Variants in ZC2HC1B observed in about 807,000 individuals in gnomAD.
The protein encoded by ZC2HC1B is zinc finger C2HC domain-containing protein 1B.
ZC2HC1B carries 36 observed loss-of-function variants against 31.0 expected under a neutral mutation model. That is an observed-to-expected ratio of 1.16 (90% CI 0.89 to 1.54). The LOEUF (loss-of-function observed/expected upper bound fraction) is 1.54, where lower values mean the gene tolerates loss of function less well. Ranked by LOEUF, ZC2HC1B falls within the 40% of genes most tolerant of loss-of-function variation. ZC2HC1B has a pLI of 0.00. For missense variants in ZC2HC1B, 260 were observed against 268.6 expected (o/e 0.97, Z 0.22); for synonymous variants, 73 against 88.0 (o/e 0.83, Z 0.95).
intron 1 of ZC2HC1B, among the ~76,000 whole-genome samples, chr6:143,880,724 G>A (rs1304044140): frequency 1.3e-5 from 2 of 151,852 alleles, no homozygotes; most frequent in African/African-American, 4.8e-5. Flanking sequence ...GAGCATGGCT[G>A]TGTTCCTATA....
intron 6 of ZC2HC1B, among the ~76,000 whole-genome samples, chr6:143,910,259 A>C (rs1259034692): frequency 1.3e-5 from 2 of 152,116 alleles, no homozygotes; most frequent in Non-Finnish European, 2.9e-5. Context: ...TTCAGTTTCC[A>C]TGTGATGTGT....
chr6:143,912,398 G>T (rs1259240719), intron 6 of ZC2HC1B, among the ~76,000 whole-genome samples: 1 of 152,144 alleles, frequency 6.6e-6, no homozygotes, highest in East Asian at 1.9e-4. Flanking sequence ...ATCTTAGTGG[G>T]CTTATCTACC....
intron 6 of ZC2HC1B, among the ~76,000 whole-genome samples, chr6:143,909,374 G>A (rs1777833263): frequency 6.6e-6 from 1 of 152,006 alleles, no homozygotes. Flanking sequence ...TCCAGCCTGG[G>A]TGACAGAGCT....
rs1429116269 is a variant in ZC2HC1B, at chr6:143,868,381, T to C, written c.28+3814T>C. Among the ~76,000 whole-genome samples the C allele has an allele frequency of 2.0e-5, 3 of 152,178 alleles. No individual in the cohort carries two copies. The highest frequency in any genetic ancestry group is 4.4e-5 in the Non-Finnish European group (3 of 68,042). On this transcript the variant is annotated intron_variant, in intron 1 of 7. Transcript: ENST00000237275. The surrounding 1 kb of genome is among the most constrained non-coding windows in gnomAD (Gnocchi z 4.2). ...CAGTACAGTGCCAAAACTGAAGAAC[T>C]TGGAGTTCAATGTTTGAGGGCAGGA...
chr6:143,877,272 CTTTTTTTTTTTTT>C lies in ZC2HC1B; in HGVS notation c.29-7017_29-7005del, dbSNP rs34994479. On this transcript the variant is annotated intron_variant, in intron 1 of 7. Coordinates refer to ENST00000237275, the MANE Select transcript of ZC2HC1B (RefSeq NM_001013623.3). Reference sequence around the variant, plus strand: ...TTTCTCCTAAAGATTTTTTTAATTTCTTTTTTTTTTTTTTTTTTTTTTTTTTTGAGACAGAGTT... The same window carrying C: ...TTTCTCCTAAAGATTTTTTTAATTTCTTTTTTTTTTTTTTGAGACAGAGTT... Among the ~76,000 whole-genome samples the C allele has an allele frequency of 1.6e-4, 7 of 42,576 alleles. 1 individual carries two copies. Among genetic ancestry groups the C allele is most frequent in the Non-Finnish European group, 8.4e-5 (2 of 23,850 alleles). 27.9% of individuals were successfully genotyped at this position (42,576 alleles called of 152,430 possible). A position where few individuals can be genotyped will look rare whatever the true frequency, so the allele number is the denominator to read the frequency against.
chr6:143,886,898 A>C lies in ZC2HC1B; in HGVS notation c.349+77A>C. On this transcript the variant is annotated intron_variant, in intron 4 of 7. Transcript: ENST00000237275. This position sits in a 1 kb window ranked among gnomAD's most constrained non-coding sequence, Gnocchi z 4.2. ...ATCATCATGCCCTCTATGCACTCTG[A>C]AATTGACAATAACAATTACATAGAA... 8.1e-7 allele frequency: 1 copy of C among 1,240,486 alleles called. No individual in the cohort carries two copies. The highest frequency in any genetic ancestry group is 1.0e-6 in the Non-Finnish European group (1 of 953,020). 76.8% of individuals were successfully genotyped at this position (1,240,486 alleles called of 1,614,324 possible).
chr6:143,866,256 A>G (rs1260254509), intron 1 of ZC2HC1B, among the ~76,000 whole-genome samples: 2 of 152,226 alleles, frequency 1.3e-5, no homozygotes, highest in African/African-American at 4.8e-5. Flanking sequence ...CCAAAAATGC[A>G]TTTACTACAC....
At position 143,913,077 on chromosome 6, in the gene ZC2HC1B, C is replaced by T. The variant is rs1777879528; in HGVS notation, c.598+9925C>T. 6.6e-6 allele frequency among the ~76,000 whole-genome samples: 1 copy of T among 152,242 alleles called. No individual in the cohort carries two copies. The highest frequency in any genetic ancestry group is 1.5e-5 in the Non-Finnish European group (1 of 68,030). On this transcript the variant is annotated intron_variant, in intron 6 of 7. Transcript: ENST00000237275. This position sits in a 1 kb window ranked among gnomAD's most constrained non-coding sequence, Gnocchi z 5.7. ...GCCTCTGCCCCTGTCAACTTGGTCTCTCCAAAGCCCACAGTCCAGAACAGC... is the reference window on the plus strand; with the variant it reads ...GCCTCTGCCCCTGTCAACTTGGTCTTTCCAAAGCCCACAGTCCAGAACAGC...
rs554577444 is a variant in ZC2HC1B at position 143,865,449 on chromosome 6, A to G, written c.28+882A>G. Among the ~76,000 whole-genome samples the G allele has an allele frequency of 3.3e-5, 5 of 152,288 alleles. No homozygotes were observed. The East Asian group carries it at 9.6e-4, about 29-fold the overall frequency. ...GGTGCTCAGCTGTAACCTTCACTAT[A>G]GGCTATTCCCTGAGCTTGTATTTAA... On this transcript the variant is annotated intron_variant, in intron 1 of 7. Coordinates refer to ENST00000237275, the MANE Select transcript of ZC2HC1B (RefSeq NM_001013623.3). This position sits in a 1 kb window ranked among gnomAD's most constrained non-coding sequence, Gnocchi z 4.4.
At chr6:143,920,624 G>A (rs2128496871) in intron 6 of ZC2HC1B, among the ~76,000 whole-genome samples, 1 of 152,120 alleles carries the variant, frequency 6.6e-6, no homozygotes, top group South Asian at 2.1e-4. Flanking sequence ...TAAAATGGTT[G>A]ACACGGCTGG....
intron 5 of ZC2HC1B, among the ~76,000 whole-genome samples, chr6:143,902,605 T>C (rs1449099449): frequency 1.3e-5 from 2 of 152,168 alleles, no homozygotes; most frequent in Admixed American, 1.3e-4. Context: ...TGTAGGGATG[T>C]TGGAATTTCA....
chr6:143,876,296 T>C (rs1370680227), intron 1 of ZC2HC1B, among the ~76,000 whole-genome samples: 3 of 150,524 alleles, frequency 2.0e-5, no homozygotes, highest in African/African-American at 7.4e-5. Context: ...TTCATTATGT[T>C]CCTTGGTTCT....
intron 4 of ZC2HC1B, among the ~76,000 whole-genome samples, chr6:143,888,121 G>A (rs1201605246): frequency 6.6e-6 from 1 of 151,908 alleles, no homozygotes; most frequent in Non-Finnish European, 1.5e-5. Flanking sequence ...TTTTGCATGT[G>A]GATATCCAGT....
Position 143,886,152 on chromosome 6 carries a change from G to T in ZC2HC1B, c.210+1G>T. 6.5e-7 allele frequency: 1 copy of T among 1,531,776 alleles called. No homozygotes were observed. Among genetic ancestry groups the T allele is most frequent in the Non-Finnish European group, 8.8e-7 (1 of 1,141,168 alleles). 94.9% of individuals were successfully genotyped at this position (1,531,776 alleles called of 1,614,324 possible). ...TGTGAAGAAGACTCCACAATCCAAG[G>T]TACTCCTGATATCTTCTTTAGTGTT... On this transcript the variant is annotated splice_donor_variant, in intron 3 of 7. Coordinates refer to ENST00000237275, the MANE Select transcript of ZC2HC1B (RefSeq NM_001013623.3). LOFTEE classifies it high-confidence loss of function. This position sits in a 1 kb window ranked among gnomAD's most constrained non-coding sequence, Gnocchi z 4.2.
In ZC2HC1B at chr6:143,924,938, C is replaced by T. The variant is rs1001178358; in HGVS notation, c.599-12711C>T. ...GTCTGTGTTCATCAGGGGTATTGGC[C>T]TGTAGTTTTCTATTTCCATTATGTC... On this transcript the variant is annotated intron_variant, in intron 6 of 7. Transcript: ENST00000237275. This position sits in a 1 kb window ranked among gnomAD's most constrained non-coding sequence, Gnocchi z 5.2. Among the ~76,000 whole-genome samples the T allele has an allele frequency of 1.3e-5, 2 of 151,990 alleles. No homozygotes were observed. Among genetic ancestry groups the T allele is most frequent in the Non-Finnish European group, 2.9e-5 (2 of 68,010 alleles).
chr6:143,872,526 T>C lies in ZC2HC1B; in HGVS notation c.28+7959T>C, dbSNP rs1222642492. On this transcript the variant is annotated intron_variant, in intron 1 of 7. Coordinates refer to ENST00000237275, the MANE Select transcript of ZC2HC1B (RefSeq NM_001013623.3). The surrounding 1 kb of genome is among the most constrained non-coding windows in gnomAD (Gnocchi z 5.5). ...CACCTCGGGATCCAAATATTCCCAC[T>C]ATATTTATTTTTTATTTTTTAAATT... Among the ~76,000 whole-genome samples, 1 of 152,210 alleles carries C rather than the reference T, an allele frequency of 6.6e-6. No homozygotes were observed. Among genetic ancestry groups the C allele is most frequent in the African/African-American group, 2.4e-5 (1 of 41,446 alleles).
intron 6 of ZC2HC1B, among the ~76,000 whole-genome samples, chr6:143,931,155 A>C (rs1778114175): frequency 6.6e-6 from 1 of 152,092 alleles, no homozygotes; most frequent in African/African-American, 2.4e-5. Context: ...ATTTGCATGG[A>C]ATATCTTTTT....
At position 143,885,075 on chromosome 6, in the gene ZC2HC1B, A is replaced by T. The variant is rs1205509800; in HGVS notation, c.90+710A>T. Among the ~76,000 whole-genome samples the T allele has an allele frequency of 2.6e-5, 4 of 152,218 alleles. No individual in the cohort carries two copies. The highest frequency in any genetic ancestry group is 9.6e-5 in the African/African-American group (4 of 41,452). The stretch of plus-strand genomic sequence containing the variant: ...CAAAAAGAAAATCTAAGATGATAAT[A>T]CAGCTGTCAGTTGGGACATTTTAGA... On this transcript the variant is annotated intron_variant, in intron 2 of 7. Coordinates refer to ENST00000237275, the MANE Select transcript of ZC2HC1B (RefSeq NM_001013623.3). The surrounding 1 kb of genome is among the most constrained non-coding windows in gnomAD (Gnocchi z 4.2).
At chr6:143,882,474 G>C (rs562654872) in intron 1 of ZC2HC1B, among the ~76,000 whole-genome samples, 1 of 150,776 alleles carries the variant, frequency 6.6e-6, no homozygotes, top group East Asian at 2.0e-4. Context: ...CCAATTAGTA[G>C]ATGTGACAAG....
Sources: allele counts gnomAD v4.1 joint callset (sites outside exome capture counted in the v4.1 genomes callset), GRCh38; gene constraint gnomAD v4.1.1; non-coding constraint Gnocchi (gnomAD v3.1); transcripts MANE v1.5; gene names NCBI Gene and HGNC (gene_info 2026-07-23, HGNC 2026-07-21).